The following MS4A13 variants were observed in gnomAD, a reference collection of about 807,000 sequenced individuals.
MS4A13 encodes membrane spanning 4-domains A13, also known as membrane-spanning 4-domains subfamily A member 13.
MS4A13 carries 21 observed loss-of-function variants against 18.4 expected under a neutral mutation model. The observed-to-expected ratio is 1.14, with a 90% CI of 0.81 to 1.64. The LOEUF is 1.64. Among genes scored for constraint, MS4A13 ranks in the 40% most tolerant of loss-of-function variants. MS4A13 has a pLI of 0.00. For synonymous variants in MS4A13, 62 were observed against 57.2 expected, an observed-to-expected ratio of 1.08 and a Z score of -0.38; for missense variants, 173 against 176.8, an observed-to-expected ratio of 0.98 and a Z score of 0.12.
intron 5 of MS4A13, among the ~76,000 whole-genome samples, chr11:60,527,410 CTG>C (rs1224398821): frequency 2.8e-3 from 82 of 28,810 alleles, no homozygotes; most frequent in African/African-American, 0.013. Context: ...CTCTCTCTCT[CTG>C]TGTGTGTGTG....
intron 5 of MS4A13, among the ~76,000 whole-genome samples, chr11:60,527,400 C>CTG (rs1555024353): frequency 0.012 from 1,028 of 83,340 alleles, 8 homozygotes; most frequent in Non-Finnish European, 0.018. Flanking sequence ...CTCTCTCTCT[C>CTG]TCTCTCTCTC....
Position 60,542,572 on chromosome 11 carries a change from T to C in MS4A13, c.456T>C (p.Pro152=). The change falls in exon 7 of 7, where the codon CCT becomes CCC. Residue 152 remains proline (P), a synonymous_variant. Transcript: ENST00000378186. ...TTACTGAGGAAGCTGAGAGCACTCC[T>C]TAAAAACCCTAGAAATATGAGAATT... ...TSVTEEAEST[P] 1 of 1,604,554 alleles carries C rather than the reference T, an allele frequency of 6.2e-7. No homozygotes were observed. The highest frequency in any genetic ancestry group is 8.5e-7 in the Non-Finnish European group (1 of 1,173,636).
At chr11:60,538,551 T>C (rs2086830488) in intron 6 of MS4A13, among the ~76,000 whole-genome samples, 2 of 149,878 alleles carry the variant, frequency 1.3e-5, no homozygotes. Flanking sequence ...GCAATGATTA[T>C]GTCAATTAAA....
chr11:60,518,546 C>A (rs2086653389), intron 3 of MS4A13, among the ~76,000 whole-genome samples: 1 of 152,126 alleles, frequency 6.6e-6, no homozygotes, highest in Non-Finnish European at 1.5e-5. Flanking sequence ...ACTTCAGTCT[C>A]CTCACCCAAT....
At chr11:60,538,052 G>A (rs34912296) in intron 6 of MS4A13, among the ~76,000 whole-genome samples, 1 of 149,350 alleles carries the variant, frequency 6.7e-6, no homozygotes, top group Non-Finnish European at 1.5e-5. Context: ...GGGGAGGGAT[G>A]GCATTGGGAG....
At chr11:60,532,260 C>T (rs1162889150) in intron 6 of MS4A13, among the ~76,000 whole-genome samples, 2 of 152,180 alleles carry the variant, frequency 1.3e-5, no homozygotes, top group East Asian at 3.9e-4. Flanking sequence ...ATCTGAGGTA[C>T]CAGGTTCATC....
chr11:60,527,445 T>TGTGTGTGTGTGTGTGTGTGTGTGTGTGTG (rs2086726963), intron 5 of MS4A13, among the ~76,000 whole-genome samples: 1 of 149,320 alleles, frequency 6.7e-6, no homozygotes, highest in African/African-American at 2.5e-5. Context: ...TGTGTGTGTG[T>TGTGTGTGTGTGTGTGTGTGTGTGTGTGTG]TTCCGTTTCC....
chr11:60,525,135 T>C (rs2135254911), intron 4 of MS4A13, 72 bp from the exon 5 acceptor site: 2 of 1,154,392 alleles, frequency 1.7e-6, no homozygotes, highest in Middle Eastern at 2.9e-4. Flanking sequence ...ATGAGTTTTT[T>C]CAGCAATGCA....
chr11:60,523,429 C>T (rs2086691307), intron 3 of MS4A13, among the ~76,000 whole-genome samples: 1 of 152,118 alleles, frequency 6.6e-6, no homozygotes, highest in African/African-American at 2.4e-5. Context: ...ATAATGACTA[C>T]AATCTCATAA....
chr11:60,515,754 T>C (rs1257381404), intron 1 of MS4A13, 147 bp downstream of exon 1: 2 of 152,222 alleles, frequency 1.3e-5, no homozygotes, highest in African/African-American at 4.8e-5. Context: ...AATGCCGATA[T>C]GTTTTAGTCA....
chr11:60,542,436 A>G, intron 6 of MS4A13, 83 bp from the exon 7 acceptor site: 1 of 925,084 alleles, frequency 1.1e-6, no homozygotes, highest in Non-Finnish European at 1.7e-6. Flanking sequence ...TATTACCTGT[A>G]TTTTTTAAGA....
intron 6 of MS4A13, among the ~76,000 whole-genome samples, chr11:60,538,884 T>C (rs1160850054): frequency 1.5e-5 from 2 of 130,784 alleles, no homozygotes; most frequent in African/African-American, 2.9e-5. Context: ...TGCATCTCCA[T>C]TGCTGGCCTT....
chr11:60,527,396 C>G (rs1436109342), intron 5 of MS4A13, among the ~76,000 whole-genome samples: 2,140 of 103,528 alleles, frequency 0.021, 43 homozygotes, highest in African/African-American at 0.089. Flanking sequence ...CTCTCTCTCT[C>G]TCTCTCTCTC....
At chr11:60,522,228 A>ATGTG (rs1306926494) in intron 3 of MS4A13, among the ~76,000 whole-genome samples, 1 of 143,580 alleles carries the variant, frequency 7.0e-6, no homozygotes, top group African/African-American at 2.6e-5. Context: ...AGATAGATAG[A>ATGTG]TAGATAGATA....
intron 4 of MS4A13, 117 bp from the exon 5 acceptor site, chr11:60,525,090 T>A: frequency 1.4e-6 from 1 of 710,000 alleles, no homozygotes; most frequent in Non-Finnish European, 2.4e-6. Flanking sequence ...TTAATACTTC[T>A]AAGACTTCAG....
At chr11:60,525,813 C>A (rs1258872092) in intron 5 of MS4A13, among the ~76,000 whole-genome samples, 1 of 151,984 alleles carries the variant, frequency 6.6e-6, no homozygotes, top group Non-Finnish European at 1.5e-5. Context: ...ATAAATAAAC[C>A]TAACTTGTTT....
At chr11:60,524,661 ACTTT>A in intron 4 of MS4A13, among the ~76,000 whole-genome samples, 1 of 99,996 alleles carries the variant, frequency 1.0e-5, no homozygotes, top group African/African-American at 3.6e-5. Flanking sequence ...AAAACACAAT[ACTTT>A]TTTTTTTTTT....
intron 3 of MS4A13, among the ~76,000 whole-genome samples, chr11:60,520,068 G>A (rs1045760118): frequency 1.3e-5 from 2 of 152,062 alleles, no homozygotes; most frequent in Non-Finnish European, 2.9e-5. Context: ...AAGATGATAT[G>A]GTTTGGCTGT....
chr11:60,527,377 TC>T (rs1486601215), intron 5 of MS4A13, among the ~76,000 whole-genome samples: 55 of 97,244 alleles, frequency 5.7e-4, no homozygotes, highest in South Asian at 2.0e-3. Flanking sequence ...TCTCTCTCTC[TC>T]TCTCTCTCTC....
Sources: gnomAD v4.1 joint callset for allele counts (sites outside exome capture counted in the v4.1 genomes callset) on GRCh38, gnomAD v4.1.1 for gene constraint, MANE v1.5 for transcripts, NCBI Gene and HGNC (gene_info 2026-07-23, HGNC 2026-07-21) for gene names.